NBAS: variants seen among roughly 807,000 people sequenced by gnomAD.
NBAS encodes the protein NAG/BC035112 fusion.
In NBAS, 219 loss-of-function variants were observed where a neutral mutation model predicts 302.5. That is an observed-to-expected ratio of 0.72 (90% CI 0.65 to 0.81). The LOEUF (loss-of-function observed/expected upper bound fraction) is 0.81, where lower values mean the gene tolerates loss of function less well. Ranked by LOEUF, NBAS falls within the 30% of genes least tolerant of loss-of-function variation. The pLI, the probability that NBAS is intolerant of heterozygous loss-of-function variation, is 0.00. For synonymous variants in NBAS, 1,118 were observed against 1,021.6 expected (o/e 1.09, Z -1.80); for missense variants, 2,932 against 2,841.6 (o/e 1.03, Z -0.72).
the NBAS span, among the ~76,000 whole-genome samples, chr2:15,031,881 A>T: frequency 6.6e-6 from 1 of 152,182 alleles, no homozygotes; most frequent in Non-Finnish European, 1.5e-5. Context: ...CTTGCCAGGG[A>T]GGGCCTCCTG....
In NBAS at chr2:15,353,719, T is replaced by C. The variant is rs533290092; in HGVS notation, c.3932-9A>G. The C allele has an allele frequency of 5.3e-5, 85 of 1,613,836 alleles. No individual in the cohort carries two copies. Among genetic ancestry groups the C allele is most frequent in the Non-Finnish European group, 6.5e-5 (77 of 1,179,888 alleles). ...CCAACTTTTAGGATAACCTGCAAAA[T>C]TGGCAAGGAAAAAAATGATTCCCAA... On this transcript the variant is annotated splice_polypyrimidine_tract_variant and intron_variant, in intron 33 of 51. Coordinates refer to ENST00000281513, the MANE Select transcript of NBAS (RefSeq NM_015909.4).
the NBAS span, among the ~76,000 whole-genome samples, chr2:14,966,404 A>G: frequency 1.3e-5 from 2 of 152,198 alleles, no homozygotes; most frequent in Non-Finnish European, 2.9e-5. Flanking sequence ...TTCATCCTTC[A>G]GTATATGCAG....
chr2:14,856,019 G>C, the NBAS span, among the ~76,000 whole-genome samples: 1 of 152,178 alleles, frequency 6.6e-6, no homozygotes, highest in African/African-American at 2.4e-5. Context: ...AGTTGCGGTG[G>C]CCATAGAAAT....
chr2:15,322,633 A>T (rs371449656), intron 38 of NBAS, among the ~76,000 whole-genome samples: 28 of 152,176 alleles, frequency 1.8e-4, no homozygotes, highest in Non-Finnish European at 3.1e-4. Context: ...TCTTTTCATC[A>T]ACTTTATTAA....
At chr2:15,203,515 G>C (rs1268548991) in intron 48 of NBAS, among the ~76,000 whole-genome samples, 1 of 152,144 alleles carries the variant, frequency 6.6e-6, no homozygotes, top group Non-Finnish European at 1.5e-5. Flanking sequence ...ATTATGCAGG[G>C]AGACTTTAGG....
Position 15,475,789 on chromosome 2 carries a change from T to A in NBAS, c.1239A>T (p.Ser413=), listed in dbSNP as rs145163526. 8.1e-6 allele frequency: 13 copies of A among 1,614,094 alleles called. No individual in the cohort carries two copies. Among genetic ancestry groups the A allele is most frequent in the Middle Eastern group, 1.6e-4 (1 of 6,062 alleles). Residue 413 remains serine (S), a synonymous_variant, in exon 14 of 52, where the codon TCA becomes TCT. Coordinates refer to ENST00000281513, the MANE Select transcript of NBAS (RefSeq NM_015909.4). ...GTAAATTCTTCAAAGTTTTCACAGA[T>A]GAAACAGTTAAAGCACCAGAGCATC... The part of the protein sequence containing the change: ...LARCSGALTV[S]SVKTLKNLLG...
At chr2:14,853,024 G>A in the NBAS span, among the ~76,000 whole-genome samples, 1 of 149,796 alleles carries the variant, frequency 6.7e-6, no homozygotes, top group East Asian at 2.0e-4. Context: ...AGGACTTCAT[G>A]TCCAAAACAC....
At chr2:15,371,349 A>C (rs1674476799) in intron 31 of NBAS, among the ~76,000 whole-genome samples, 1 of 152,246 alleles carries the variant, frequency 6.6e-6, no homozygotes, top group Non-Finnish European at 1.5e-5. Context: ...AAACAGGCTA[A>C]TACAATGCCC....
chr2:15,260,966 T>G (rs1245437977), intron 44 of NBAS, among the ~76,000 whole-genome samples: 1 of 152,244 alleles, frequency 6.6e-6, no homozygotes, highest in Admixed American at 6.5e-5. Context: ...TCTTTAATGC[T>G]GACCACAATG....
At chr2:14,919,187 C>T in the NBAS span, among the ~76,000 whole-genome samples, 1 of 152,162 alleles carries the variant, frequency 6.6e-6, no homozygotes, top group Middle Eastern at 3.4e-3. Flanking sequence ...AGTTCCAGAC[C>T]ACCACAATAA....
chr2:14,943,376 G>T, the NBAS span, among the ~76,000 whole-genome samples: 1 of 152,192 alleles, frequency 6.6e-6, no homozygotes, highest in African/African-American at 2.4e-5. Flanking sequence ...CTTTAACCCA[G>T]AGGCTGGAAA....
At chr2:14,785,016 C>A in the NBAS span, among the ~76,000 whole-genome samples, 2 of 152,152 alleles carry the variant, frequency 1.3e-5, no homozygotes, top group Non-Finnish European at 2.9e-5. Context: ...TTGTAGTTCT[C>A]CTTGAAGAGG....
At chr2:15,179,302 A>T in intron 50 of NBAS, 186 bp from the exon 51 acceptor site, 5 of 775,664 alleles carry the variant, frequency 6.4e-6, no homozygotes, top group Non-Finnish European at 1.0e-5. Context: ...TTCACAGTAA[A>T]CTGTGTACAG....
At chr2:15,073,959 C>A in the NBAS span, among the ~76,000 whole-genome samples, 1 of 152,090 alleles carries the variant, frequency 6.6e-6, no homozygotes, top group African/African-American at 2.4e-5. Context: ...TGTTTAGAAC[C>A]AGACCTCAAT....
chr2:14,909,173 A>G, the NBAS span, among the ~76,000 whole-genome samples: 1 of 151,922 alleles, frequency 6.6e-6, no homozygotes, highest in African/African-American at 2.4e-5. Context: ...ACAAAACATT[A>G]GCCGGGCATG....
the NBAS span, among the ~76,000 whole-genome samples, chr2:14,784,509 T>C: frequency 1.3e-5 from 2 of 152,104 alleles, no homozygotes; most frequent in African/African-American, 4.8e-5. Flanking sequence ...GTGTAATGAA[T>C]GGATTCAGTT....
intron 23 of NBAS, among the ~76,000 whole-genome samples, chr2:15,423,960 T>G (rs1677330195): frequency 6.6e-6 from 1 of 152,224 alleles, no homozygotes; most frequent in South Asian, 2.1e-4. Flanking sequence ...TACAATCAAC[T>G]GCATTACTGC....
At position 15,424,308 on chromosome 2, in the gene NBAS, C is replaced by T; in HGVS notation, c.2577+7G>A. ...ATTACTGAGCAGCAGCTGCCATTTC[C>T]CCTCACCTGCCGAGCATAATGCTCT... On this transcript the variant is annotated splice_region_variant and intron_variant, in intron 23 of 51. Coordinates refer to ENST00000281513, the MANE Select transcript of NBAS (RefSeq NM_015909.4). The T allele has an allele frequency of 6.2e-7, 1 of 1,614,034 alleles. No individual in the cohort carries two copies. The highest frequency in any genetic ancestry group is 8.5e-7 in the Non-Finnish European group (1 of 1,179,916).
chr2:14,841,493 C>A, the NBAS span, among the ~76,000 whole-genome samples: 1 of 103,892 alleles, frequency 9.6e-6, no homozygotes, highest in Non-Finnish European at 1.8e-5. Flanking sequence ...TTCCATGCAA[C>A]TGGAAACAAA....
Sources: gnomAD v4.1 joint callset for allele counts (sites outside exome capture counted in the v4.1 genomes callset) on GRCh38, gnomAD v4.1.1 for gene constraint, MANE v1.5 for transcripts, NCBI Gene and HGNC (gene_info 2026-07-23, HGNC 2026-07-21) for gene names.